The following CEP76 variants were observed in gnomAD, a reference collection of about 807,000 sequenced individuals.
CEP76 encodes the protein centrosomal protein 76.
In CEP76, 55 loss-of-function variants were observed where a neutral mutation model predicts 83.3. That is an observed-to-expected ratio of 0.66 (90% CI 0.53 to 0.83). The LOEUF (loss-of-function observed/expected upper bound fraction) is 0.83. Among genes scored for constraint, CEP76 ranks in the 40% least tolerant of loss-of-function variants. The probability of loss-of-function intolerance (pLI) is 0.00; values close to 1 mark genes in which losing one functional copy is unlikely to be tolerated. For synonymous variants in CEP76, 270 were observed against 274.5 expected, an observed-to-expected ratio of 0.98 and a Z score of 0.16; for missense variants, 694 against 799.5, an observed-to-expected ratio of 0.87 and a Z score of 1.59.
chr18:12,679,634 T>C (rs1202141202), intron 9 of CEP76, among the ~76,000 whole-genome samples: 1 of 152,170 alleles, frequency 6.6e-6, no homozygotes, highest in African/African-American at 2.4e-5. Flanking sequence ...CAAAATCTAA[T>C]GACAGGCTAA....
chr18:12,681,421 A>T (rs749551682), intron 8 of CEP76, among the ~76,000 whole-genome samples: 37 of 151,360 alleles, frequency 2.4e-4, no homozygotes, highest in Non-Finnish European at 3.8e-4. Flanking sequence ...TAATTTTAAA[A>T]TTTTTTTTGT....
intron 1 of CEP76, 47 bp from the exon 2 acceptor site, chr18:12,701,160 A>T: frequency 2.1e-6 from 3 of 1,433,352 alleles, no homozygotes; most frequent in Non-Finnish European, 1.9e-6. Flanking sequence ...CAAAGCAGTC[A>T]AATACTGCTT....
chr18:12,687,780 G>A (rs1309506726), intron 7 of CEP76, among the ~76,000 whole-genome samples: 1 of 151,614 alleles, frequency 6.6e-6, no homozygotes, highest in East Asian at 1.9e-4. Context: ...TAAAACAGAG[G>A]ATTATTATTC....
chr18:12,670,607 A>G (rs1030929539), downstream of CEP76: 3 of 151,244 alleles, frequency 2.0e-5, no homozygotes, highest in Admixed American at 6.6e-5. Context: ...ATTACAAGCA[A>G]TTTTCTGTTG....
At chr18:12,681,226 A>G (rs2039337443) in intron 8 of CEP76, among the ~76,000 whole-genome samples, 1 of 149,864 alleles carries the variant, frequency 6.7e-6, no homozygotes, top group African/African-American at 2.4e-5. Flanking sequence ...TTTATAAAGA[A>G]CTCACACAAC....
At chr18:12,667,644 C>A (rs752022471), downstream of CEP76, among the ~76,000 whole-genome samples, 6 of 151,426 alleles carry the variant, frequency 4.0e-5, no homozygotes, top group Non-Finnish European at 7.4e-5. Flanking sequence ...GCCTGTACTC[C>A]CAGCTACTCG....
At chr18:12,702,432 A>G in intron 1 of CEP76, 54 bp downstream of exon 1, 1 of 1,373,826 alleles carries the variant, frequency 7.3e-7, no homozygotes, top group Non-Finnish European at 1.0e-6. Flanking sequence ...GCCGGGCAGG[A>G]GGGAAAGGTT....
intron 12 of CEP76, among the ~76,000 whole-genome samples, chr18:12,664,847 C>A (rs925533124): frequency 6.6e-6 from 1 of 151,672 alleles, no homozygotes; most frequent in African/African-American, 2.4e-5. Context: ...TACAGGCGCC[C>A]GTCACCATGC....
intron 2 of CEP76, chr18:12,700,353 T>C (rs955894330): frequency 2.6e-5 from 4 of 152,790 alleles, no homozygotes; most frequent in African/African-American, 9.6e-5. Flanking sequence ...AAAATACTTA[T>C]TCCCTATTGT....
chr18:12,682,112 C>T (rs556022995), intron 8 of CEP76, among the ~76,000 whole-genome samples: 8 of 151,976 alleles, frequency 5.3e-5, no homozygotes, highest in African/African-American at 1.4e-4. Context: ...GAAGACTACA[C>T]GCGAAAGCAA....
At chr18:12,681,256 ATTTTTTTTTTT>A (rs34816720) in intron 8 of CEP76, among the ~76,000 whole-genome samples, 1 of 115,390 alleles carries the variant, frequency 8.7e-6, no homozygotes, top group Non-Finnish European at 1.7e-5. Context: ...AAAGTAGAAC[ATTTTTTTTTTT>A]TTTTTTTTTT....
rs989212461 is a variant in CEP76, at chr18:12,673,043, C to G, written c.*322G>C. On this transcript the variant is annotated 3_prime_UTR_variant, in exon 12 of 12. Coordinates refer to ENST00000262127, the MANE Select transcript of CEP76 (RefSeq NM_024899.4). Reference sequence around the variant, plus strand: ...CTTAGACAAACATCTCTTTGATTACCTGTTTGTGTAAAGAAAACTGAATGC... The same window carrying G: ...CTTAGACAAACATCTCTTTGATTACGTGTTTGTGTAAAGAAAACTGAATGC... 2 of 1,018,782 alleles carry G rather than the reference C, an allele frequency of 2.0e-6. No individual in the cohort carries two copies. Among genetic ancestry groups the G allele is most frequent in the Non-Finnish European group, 1.2e-6 (1 of 852,094 alleles). The allele number at this position is 1,018,782 out of a possible 1,614,324, so 63.1% of individuals were successfully genotyped here.
chr18:12,673,217 A>G lies in CEP76; in HGVS notation c.*148T>C. ...TAAAGGAATGCATGATTTTTTTTAA[A>G]CATTACCAGTCAAGTATATACAAAA... On this transcript the variant is annotated 3_prime_UTR_variant, in exon 12 of 12. Transcript: ENST00000262127. 7 of 1,358,306 alleles carry G rather than the reference A, an allele frequency of 5.2e-6. No homozygotes were observed. The highest frequency in any genetic ancestry group is 3.1e-5 in the Admixed American group (1 of 31,784). The allele number at this position is 1,358,306 out of a possible 1,614,324, so 84.1% of individuals were successfully genotyped here.
In CEP76 at chr18:12,683,640, A is replaced by G. The variant is rs189932280; in HGVS notation, c.1122+2622T>C. Among the ~76,000 whole-genome samples, 170 of 151,908 alleles carry G rather than the reference A, an allele frequency of 1.1e-3. 1 individual carries two copies. Among genetic ancestry groups the G allele is most frequent in the East Asian group, 6.7e-3 (34 of 5,112 alleles). Reference sequence around the variant, plus strand: ...GTGGCGGGCACCTGTAATCCCAGCTACTAGGGAGGCTGAGGCAGGAGAATC... The same window carrying G: ...GTGGCGGGCACCTGTAATCCCAGCTGCTAGGGAGGCTGAGGCAGGAGAATC... On this transcript the variant is annotated intron_variant, in intron 8 of 11. Coordinates refer to ENST00000262127, the MANE Select transcript of CEP76 (RefSeq NM_024899.4).
At chr18:12,665,733 T>C (rs1422380657) in intron 12 of CEP76, among the ~76,000 whole-genome samples, 2 of 152,174 alleles carry the variant, frequency 1.3e-5, no homozygotes, top group Non-Finnish European at 2.9e-5. Flanking sequence ...GTCTTGCTCT[T>C]GTCACCCAGA....
intron 2 of CEP76, among the ~76,000 whole-genome samples, chr18:12,700,612 C>T (rs1044507418): frequency 1.3e-5 from 2 of 152,048 alleles, no homozygotes; most frequent in Non-Finnish European, 2.9e-5. Context: ...TAAAAATACG[C>T]TTAATCTAAA....
At position 12,674,965 on chromosome 18, in the gene CEP76, C is replaced by A. The variant is rs78564770; in HGVS notation, c.1624-212G>T. Among the ~76,000 whole-genome samples, 1,192 of 152,012 alleles carry A rather than the reference C, an allele frequency of 7.8e-3. 14 individuals are homozygous for A. The highest frequency in any genetic ancestry group is 0.027 in the African/African-American group (1,120 of 41,470). Reference sequence around the variant, plus strand: ...CAGATTTTACTTTTTAGAGAAACAACCAAAAAACATTCAAAACAATGTTCA... The same window carrying A: ...CAGATTTTACTTTTTAGAGAAACAAACAAAAAACATTCAAAACAATGTTCA... On this transcript the variant is annotated intron_variant, in intron 10 of 11. Transcript: ENST00000262127.
chr18:12,669,642 T>G (rs1181609841), downstream of CEP76, among the ~76,000 whole-genome samples: 2 of 152,190 alleles, frequency 1.3e-5, no homozygotes, highest in Non-Finnish European at 2.9e-5. Flanking sequence ...TTTTTTAAAC[T>G]TTACATTTTT....
chr18:12,679,521 C>T (rs1194246437), intron 9 of CEP76, among the ~76,000 whole-genome samples: 2 of 152,168 alleles, frequency 1.3e-5, no homozygotes, highest in Non-Finnish European at 2.9e-5. Context: ...TTTTCTCCCC[C>T]TTCAAATTGC....
Sources: allele counts gnomAD v4.1 joint callset (sites outside exome capture counted in the v4.1 genomes callset), GRCh38; gene constraint gnomAD v4.1.1; transcripts MANE v1.5; gene names NCBI Gene and HGNC (gene_info 2026-07-23, HGNC 2026-07-21).